Variants in KIF27 observed in about 807,000 individuals in gnomAD.
The protein encoded by KIF27 is kinesin-like protein KIF27.
Under a neutral mutation model 141.8 loss-of-function variants are expected in KIF27, and 84 were observed. The ratio of observed to expected loss-of-function variants is 0.59; its 90% CI spans 0.50 to 0.71. The LOEUF (loss-of-function observed/expected upper bound fraction) is 0.71, where lower values mean the gene tolerates loss of function less well. KIF27 is among the 30% of genes least tolerant of loss of function. The pLI, the probability that KIF27 is intolerant of heterozygous loss-of-function variation, is 0.00. For missense variants in KIF27, 1,306 were observed against 1,628.4 expected, an observed-to-expected ratio of 0.80 and a Z score of 3.41; for synonymous variants, 471 against 569.5, an observed-to-expected ratio of 0.83 and a Z score of 2.46.
chr9:83,918,918 A>T (rs535597174), intron 1 of KIF27, among the ~76,000 whole-genome samples: 5 of 152,310 alleles, frequency 3.3e-5, no homozygotes, highest in African/African-American at 9.6e-5. Context: ...CTTACTAAAA[A>T]TACAAAAATT....
chr9:83,848,558 CTA>C (rs1411432260), intron 16 of KIF27: 4 of 143,488 alleles, frequency 2.8e-5, no homozygotes, highest in African/African-American at 7.7e-5. Context: ...ATATCTATAT[CTA>C]TATATAGATC....
intron 10 of KIF27, among the ~76,000 whole-genome samples, chr9:83,882,845 T>A (rs1270092506): frequency 1.3e-5 from 2 of 152,176 alleles, no homozygotes; most frequent in Admixed American, 1.3e-4. Context: ...CTTTAAGCAG[T>A]TCAAATATTC....
Position 83,836,995 on chromosome 9 carries a change from C to T in KIF27, c.*6G>A, listed in dbSNP as rs757454786. 1.2e-6 allele frequency: 2 copies of T among 1,612,098 alleles called. No individual in the cohort carries two copies. The highest frequency in any genetic ancestry group is 2.7e-5 in the African/African-American group (2 of 74,756). ...CATATCTACTAAAAGTTCTATTATT[C>T]AATGTCTAAGTTTTTAAGTCCCTTG... On this transcript the variant is annotated 3_prime_UTR_variant, in exon 18 of 18. Coordinates refer to ENST00000297814, the MANE Select transcript of KIF27 (RefSeq NM_017576.4).
chr9:83,869,632 C>T (rs940389763), intron 12 of KIF27, among the ~76,000 whole-genome samples: 5 of 152,080 alleles, frequency 3.3e-5, no homozygotes, highest in Non-Finnish European at 7.3e-5. Context: ...GAAGCTGAGG[C>T]AAGAGAATGG....
chr9:83,857,920 T>C (rs1487788981), intron 14 of KIF27, among the ~76,000 whole-genome samples: 2 of 152,054 alleles, frequency 1.3e-5, no homozygotes, highest in Non-Finnish European at 2.9e-5. Context: ...TCTATCTGTT[T>C]TCCCAAATAG....
chr9:83,851,814 T>C (rs1256279749), intron 15 of KIF27, among the ~76,000 whole-genome samples: 1 of 152,188 alleles, frequency 6.6e-6, no homozygotes, highest in African/African-American at 2.4e-5. Flanking sequence ...CCACTGACCT[T>C]AGCCAGGTTG....
intron 2 of KIF27, among the ~76,000 whole-genome samples, chr9:83,913,408 T>C (rs560832642): frequency 6.6e-6 from 1 of 151,880 alleles, no homozygotes; most frequent in African/African-American, 2.4e-5. Context: ...CTGGGAAACA[T>C]AAAATGCTCA....
chr9:83,882,371 G>A (rs76111778), intron 10 of KIF27, among the ~76,000 whole-genome samples: 1 of 152,036 alleles, frequency 6.6e-6, no homozygotes, highest in Admixed American at 6.6e-5. Flanking sequence ...CAAAAAAAAA[G>A]TATGATATGT....
chr9:83,892,739 C>A (rs1411385025), intron 5 of KIF27, among the ~76,000 whole-genome samples: 1 of 151,954 alleles, frequency 6.6e-6, no homozygotes, highest in Non-Finnish European at 1.5e-5. Context: ...AAATATTAAT[C>A]AAAAGAAAGC....
chr9:83,880,589 T>G lies in KIF27; in HGVS notation c.2446-95A>C, dbSNP rs1951596043. 6 of 979,118 alleles carry G rather than the reference T, an allele frequency of 6.1e-6. No individual in the cohort carries two copies. In the Admixed American group the frequency reaches 1.5e-4, roughly 24 times the overall value. The allele number at this position is 979,118 out of a possible 1,614,324, so 60.7% of individuals were successfully genotyped here. A position where few individuals can be genotyped will look rare whatever the true frequency, so the allele number is the denominator to read the frequency against. On this transcript the variant is annotated intron_variant, in intron 10 of 17. Transcript: ENST00000297814. Reference sequence around the variant, plus strand: ...TTCATTTGATGGTAAAAGAAGAAATTTTCCCTAGATTTTCATTTATTTTTG... The same window carrying G: ...TTCATTTGATGGTAAAAGAAGAAATGTTCCCTAGATTTTCATTTATTTTTG...
intron 1 of KIF27, among the ~76,000 whole-genome samples, chr9:83,920,830 G>A (rs1343104350): frequency 6.6e-6 from 1 of 151,912 alleles, no homozygotes; most frequent in Non-Finnish European, 1.5e-5. Context: ...AACCTCTACG[G>A]TAGGAAATGC....
intron 12 of KIF27, among the ~76,000 whole-genome samples, chr9:83,868,817 C>T (rs368876470): frequency 1.1e-4 from 17 of 152,224 alleles, no homozygotes; most frequent in East Asian, 1.9e-4. Flanking sequence ...CATAGCTATT[C>T]GGTCTTCCAA....
chr9:83,838,359 T>C (rs1196096382), intron 17 of KIF27, among the ~76,000 whole-genome samples: 7 of 152,036 alleles, frequency 4.6e-5, no homozygotes, highest in Non-Finnish European at 1.0e-4. Context: ...TCAGCCTCCC[T>C]AGTAGCTGGG....
At chr9:83,907,762 T>C (rs1357555795) in intron 3 of KIF27, among the ~76,000 whole-genome samples, 8 of 152,160 alleles carry the variant, frequency 5.3e-5, no homozygotes, top group Admixed American at 6.5e-5. Context: ...TGGGTCAACT[T>C]TGATAAACAC....
At chr9:83,898,433 T>C (rs1280968405) in intron 5 of KIF27, among the ~76,000 whole-genome samples, 4 of 152,170 alleles carry the variant, frequency 2.6e-5, no homozygotes, top group Middle Eastern at 3.2e-3. Flanking sequence ...ATTTAGATAG[T>C]AAAACCATAA....
intron 8 of KIF27, among the ~76,000 whole-genome samples, 184 bp downstream of exon 8, chr9:83,888,305 T>C (rs1194899302): frequency 6.6e-6 from 1 of 152,030 alleles, no homozygotes; most frequent in Non-Finnish European, 1.5e-5. Flanking sequence ...TCTTTTTTTA[T>C]TAAGGAGTAA....
At chr9:83,860,136 T>G (rs1188502619) in intron 13 of KIF27, 1 of 152,206 alleles carries the variant, frequency 6.6e-6, no homozygotes, top group Non-Finnish European at 1.5e-5. Flanking sequence ...TTTATGGAGA[T>G]GTTCACTATG....
At chr9:83,861,662 A>T (rs1169451687) in intron 13 of KIF27, among the ~76,000 whole-genome samples, 1 of 151,934 alleles carries the variant, frequency 6.6e-6, no homozygotes, top group Non-Finnish European at 1.5e-5. Context: ...TCTTTATAGC[A>T]GCATGATTTA....
intron 1 of KIF27, among the ~76,000 whole-genome samples, chr9:83,916,518 T>C (rs1955696939): frequency 6.6e-6 from 1 of 152,194 alleles, no homozygotes. Context: ...GAAAAACTGC[T>C]TTTTCTACTT....
Sources: gnomAD v4.1 joint callset for allele counts (sites outside exome capture counted in the v4.1 genomes callset) on GRCh38, gnomAD v4.1.1 for gene constraint, MANE v1.5 for transcripts, NCBI Gene and HGNC (gene_info 2026-07-23, HGNC 2026-07-21) for gene names.